The following PRKCH variants were observed in gnomAD, a reference collection of about 807,000 sequenced individuals.
PRKCH encodes protein kinase C eta type.
In PRKCH, 28 loss-of-function variants were observed where a neutral mutation model predicts 82.5. The observed-to-expected ratio is 0.34, with a 90% CI of 0.25 to 0.47. The LOEUF (loss-of-function observed/expected upper bound fraction) is 0.47, where lower values mean the gene tolerates loss of function less well. PRKCH is among the 20% of genes least tolerant of loss of function. PRKCH has a pLI of 1.00. For missense variants in PRKCH, 705 were observed against 881.8 expected (o/e 0.80, Z 2.54); for synonymous variants, 322 against 327.4 (o/e 0.98, Z 0.18).
chr14:61,318,457 G>T (rs147311090), upstream of PRKCH, among the ~76,000 whole-genome samples: 15 of 133,524 alleles, frequency 1.1e-4, no homozygotes, highest in Middle Eastern at 4.5e-3. Flanking sequence ...CCCCCACCTT[G>T]TCCTCCCAAA....
chr14:61,350,021 A>G lies in PRKCH; in HGVS notation c.363+27557A>G, dbSNP rs180875518. Among the ~76,000 whole-genome samples, 8 of 152,334 alleles carry G rather than the reference A, an allele frequency of 5.3e-5. No homozygotes were observed. The East Asian group carries it at 5.8e-4, about 11-fold the overall frequency. ...ATATATAGGTGAATGAGGCAGCCAT[A>G]CAGAGAAATATGACAAGAGTATGTT... On this transcript the variant is annotated intron_variant, in intron 1 of 13. Coordinates refer to ENST00000332981, the MANE Select transcript of PRKCH (RefSeq NM_006255.5).
At chr14:61,391,174 A>G (rs1325320403) in intron 1 of PRKCH, 51 bp from the exon 2 acceptor site, 1 of 1,511,516 alleles carries the variant, frequency 6.6e-7, no homozygotes, top group Non-Finnish European at 9.1e-7. Flanking sequence ...TAAGGCCCAC[A>G]AAAATATTTT....
chr14:61,391,090 AT>A, intron 1 of PRKCH, 134 bp from the exon 2 acceptor site: 1 of 695,096 alleles, frequency 1.4e-6, no homozygotes, highest in Non-Finnish European at 2.3e-6. Flanking sequence ...CCACTCTACT[AT>A]TTAATGAAAG....
chr14:61,225,018 C>A (rs1234752007), intron 1 of PRKCH, among the ~76,000 whole-genome samples: 1 of 152,182 alleles, frequency 6.6e-6, no homozygotes, highest in Non-Finnish European at 1.5e-5. Context: ...GGCTTTTGCT[C>A]TGTCATTTTA....
chr14:61,208,488 C>T (rs1243332275), intron 1 of PRKCH, among the ~76,000 whole-genome samples: 1 of 152,030 alleles, frequency 6.6e-6, no homozygotes, highest in Non-Finnish European at 1.5e-5. Context: ...GGTGAGAATC[C>T]AAGCTGGATA....
At chr14:61,527,200 A>G (rs1331260394) in intron 10 of PRKCH, among the ~76,000 whole-genome samples, 1 of 152,206 alleles carries the variant, frequency 6.6e-6, no homozygotes, top group Non-Finnish European at 1.5e-5. Context: ...CTGCTGCTGA[A>G]TATTCACTTC....
chr14:61,421,828 T>A (rs935315979), intron 2 of PRKCH, among the ~76,000 whole-genome samples: 4 of 152,096 alleles, frequency 2.6e-5, no homozygotes, highest in African/African-American at 9.7e-5. Flanking sequence ...CTAGGGGAGC[T>A]GTAAGGAGGG....
intron 9 of PRKCH, among the ~76,000 whole-genome samples, chr14:61,474,893 CA>C (rs1243102464): frequency 1.3e-5 from 2 of 152,142 alleles, no homozygotes; most frequent in African/African-American, 2.4e-5. Flanking sequence ...GCACTGCAGA[CA>C]GGGGGAGAGG....
Position 61,280,874 on chromosome 14 carries a change from A to G in PRKCH, c.-19+93206A>G. ...AGCGAGAAGTACCAGGCGCACGAGCAGGGGGGCGGCAGCGCCCGGCCCTGG... is the reference window on the plus strand; with the variant it reads ...AGCGAGAAGTACCAGGCGCACGAGCGGGGGGGCGGCAGCGCCCGGCCCTGG... On this transcript the variant is annotated intron_variant, in intron 1 of 3. Coordinates refer to the PRKCH transcript ENST00000555185. This position sits in a 1 kb window ranked among gnomAD's most constrained non-coding sequence, Gnocchi z 5.0. The G allele has an allele frequency of 1.3e-5, 20 of 1,564,960 alleles. No homozygotes were observed. Among genetic ancestry groups the G allele is most frequent in the Non-Finnish European group, 1.7e-5 (20 of 1,163,316 alleles).
chr14:61,354,586 A>G lies in PRKCH; in HGVS notation c.363+32122A>G, dbSNP rs189551012. Reference sequence around the variant, plus strand: ...TTCTATAAGCATTTATTCAGCATCTACTGTGTACAGGGCCCTGGAGATACA... The same window carrying G: ...TTCTATAAGCATTTATTCAGCATCTGCTGTGTACAGGGCCCTGGAGATACA... On this transcript the variant is annotated intron_variant, in intron 1 of 13. Transcript: ENST00000332981. Among the ~76,000 whole-genome samples the G allele has an allele frequency of 8.8e-3, 1,346 of 152,126 alleles. 9 individuals are homozygous for G. Among genetic ancestry groups the G allele is most frequent in the Non-Finnish European group, 0.014 (946 of 68,008 alleles).
chr14:61,451,336 A>G (rs1047310467), intron 6 of PRKCH, among the ~76,000 whole-genome samples: 1 of 152,222 alleles, frequency 6.6e-6, no homozygotes, highest in Non-Finnish European at 1.5e-5. Flanking sequence ...AAAAAAATAA[A>G]TAAAAATTTC....
rs985243224 is a variant in PRKCH at position 61,550,592 on chromosome 14, C to T, written c.*761C>T. 6.6e-6 allele frequency: 1 copy of T among 152,596 alleles called. No homozygotes were observed. Among genetic ancestry groups the T allele is most frequent in the African/African-American group, 2.4e-5 (1 of 41,434 alleles). The allele number at this position is 152,596 out of a possible 1,614,324, so 9.5% of individuals were successfully genotyped here. A position where few individuals can be genotyped will look rare whatever the true frequency, so the allele number is the denominator to read the frequency against. ...AATGGTGTTTGCATTCTGTGAAATG[C>T]CTCTCCACGTTGCATATGTCACACT... On this transcript the variant is annotated 3_prime_UTR_variant, in exon 14 of 14. Coordinates refer to ENST00000332981, the MANE Select transcript of PRKCH (RefSeq NM_006255.5).
intron 1 of PRKCH, among the ~76,000 whole-genome samples, chr14:61,251,468 C>A (rs2044945974): frequency 6.6e-6 from 1 of 152,184 alleles, no homozygotes; most frequent in Non-Finnish European, 1.5e-5. Flanking sequence ...TCTTTCTGTG[C>A]CTGGCTTATT....
At chr14:61,220,996 G>A (rs549520498) in intron 1 of PRKCH, among the ~76,000 whole-genome samples, 39 of 152,262 alleles carry the variant, frequency 2.6e-4, no homozygotes, top group Non-Finnish European at 3.7e-4. Flanking sequence ...ACTTGGTGCC[G>A]CTAGTGTTGG....
intron 1 of PRKCH, among the ~76,000 whole-genome samples, chr14:61,243,037 T>C (rs72725870): frequency 0.041 from 6,232 of 151,868 alleles, 175 homozygotes; most frequent in Non-Finnish European, 0.066. Flanking sequence ...TAGAAGACTA[T>C]GAAGTCAAGA....
At chr14:61,320,725 GAC>G (rs1471028348), upstream of PRKCH, among the ~76,000 whole-genome samples, 1 of 152,234 alleles carries the variant, frequency 6.6e-6, no homozygotes, top group Non-Finnish European at 1.5e-5. Flanking sequence ...CCTCCCCGGA[GAC>G]AAAATCTGCA....
intron 1 of PRKCH, among the ~76,000 whole-genome samples, chr14:61,256,198 A>G (rs1361293231): frequency 6.6e-6 from 1 of 152,270 alleles, no homozygotes; most frequent in Non-Finnish European, 1.5e-5. Context: ...ACCAGAGATG[A>G]AAAATACCAA....
chr14:61,381,648 T>C (rs916434595), intron 1 of PRKCH, among the ~76,000 whole-genome samples: 4 of 152,254 alleles, frequency 2.6e-5, no homozygotes, highest in Admixed American at 1.3e-4. Flanking sequence ...AGCACAGACT[T>C]GCTTAGCAGC....
chr14:61,241,270 C>A (rs1168255939), intron 1 of PRKCH, among the ~76,000 whole-genome samples: 2 of 152,220 alleles, frequency 1.3e-5, no homozygotes, highest in Non-Finnish European at 2.9e-5. Flanking sequence ...GGTGCACCAC[C>A]TTCCAGGACC....
Sources: allele counts gnomAD v4.1 joint callset (sites outside exome capture counted in the v4.1 genomes callset), GRCh38; gene constraint gnomAD v4.1.1; non-coding constraint Gnocchi (gnomAD v3.1); transcripts MANE v1.5; gene names NCBI Gene and HGNC (gene_info 2026-07-23, HGNC 2026-07-21).